PDE10A: variants seen among roughly 807,000 people sequenced by gnomAD.
The protein encoded by PDE10A is cAMP and cAMP-inhibited cGMP 3',5'-cyclic phosphodiesterase 10A.
In PDE10A, 39 loss-of-function variants were observed where a neutral mutation model predicts 97.7. That is an observed-to-expected ratio of 0.40 (90% CI 0.31 to 0.52). PDE10A has a LOEUF of 0.52. Among genes scored for constraint, PDE10A ranks in the 20% least tolerant of loss-of-function variants. The pLI is 0.56. For synonymous variants in PDE10A, 371 were observed against 376.8 expected (o/e 0.98, Z 0.18); for missense variants, 731 against 1,047.8 (o/e 0.70, Z 4.17).
chr6:165,779,337 T>C lies in PDE10A; in HGVS notation c.-615+208192A>G, dbSNP rs141763817. Among the ~76,000 whole-genome samples the C allele has an allele frequency of 1.4e-4, 21 of 152,356 alleles. No individual in the cohort carries two copies. The East Asian group carries it at 4.1e-3, about 29-fold the overall frequency. On this transcript the variant is annotated intron_variant, in intron 1 of 19. Coordinates refer to the PDE10A transcript ENST00000366882. ...TTTAAAATAATGGAAAATCATTGTG[T>C]AGTGAATGATCGTGTGTTCACACTT...
chr6:165,348,834 TA>T (rs1425153940), intron 18 of PDE10A, among the ~76,000 whole-genome samples: 1 of 152,176 alleles, frequency 6.6e-6, no homozygotes, highest in East Asian at 1.9e-4. Flanking sequence ...CTGATGGTTT[TA>T]TAAGGGGCTT....
intron 1 of PDE10A, among the ~76,000 whole-genome samples, chr6:165,607,350 T>C (rs1787260276): frequency 6.6e-6 from 1 of 152,246 alleles, no homozygotes; most frequent in African/African-American, 2.4e-5. Context: ...AAAATATTTA[T>C]TGACTGATGA....
chr6:165,354,265 A>G (rs570095763), intron 18 of PDE10A, among the ~76,000 whole-genome samples: 6 of 152,330 alleles, frequency 3.9e-5, no homozygotes, highest in Admixed American at 3.3e-4. Context: ...AGAGAAAAAA[A>G]TAATTTTGGA....
At chr6:165,569,397 G>A (rs986489364) in intron 1 of PDE10A, among the ~76,000 whole-genome samples, 11 of 152,286 alleles carry the variant, frequency 7.2e-5, no homozygotes, top group African/African-American at 2.6e-4. Flanking sequence ...TCTTTTGCAC[G>A]AGTGTTGTAA....
chr6:165,644,218 G>A (rs890044763), intron 1 of PDE10A, among the ~76,000 whole-genome samples: 9 of 140,746 alleles, frequency 6.4e-5, no homozygotes, highest in African/African-American at 1.5e-4. Context: ...ACCACGCCCC[G>A]CTAATTTTTT....
intron 13 of PDE10A, among the ~76,000 whole-genome samples, chr6:165,408,135 A>T (rs1787363210): frequency 6.6e-6 from 1 of 152,206 alleles, no homozygotes; most frequent in Admixed American, 6.5e-5. Context: ...ACATGCTTCT[A>T]TTACGGACAC....
chr6:165,856,494 G>A (rs558202262), intron 1 of PDE10A, among the ~76,000 whole-genome samples: 7 of 152,256 alleles, frequency 4.6e-5, no homozygotes, highest in South Asian at 4.1e-4. Context: ...TTTTGATGTC[G>A]TCCATGAAGG....
chr6:165,837,361 G>A (rs566652230), intron 1 of PDE10A, among the ~76,000 whole-genome samples: 1 of 152,260 alleles, frequency 6.6e-6, no homozygotes, highest in South Asian at 2.1e-4. Context: ...ATGTATGGCC[G>A]CAGAGTTAAA....
At chr6:165,706,140 G>T (rs1025766476) in intron 1 of PDE10A, among the ~76,000 whole-genome samples, 10 of 152,226 alleles carry the variant, frequency 6.6e-5, no homozygotes, top group African/African-American at 2.4e-4. Context: ...TTCCAGGAGT[G>T]CTTGGCTTTG....
intron 1 of PDE10A, among the ~76,000 whole-genome samples, chr6:165,558,483 T>C (rs760784041): frequency 2.0e-5 from 3 of 152,116 alleles, no homozygotes; most frequent in Non-Finnish European, 2.9e-5. Flanking sequence ...AGGGATAGCA[T>C]GATATTCATA....
chr6:165,737,807 A>G (rs1199211003), intron 1 of PDE10A, among the ~76,000 whole-genome samples: 1 of 152,226 alleles, frequency 6.6e-6, no homozygotes, highest in East Asian at 1.9e-4. Context: ...AGCCAGAGCA[A>G]TTAGGCAAGA....
At chr6:165,554,799 A>ATG (rs1376508486) in intron 1 of PDE10A, among the ~76,000 whole-genome samples, 2 of 152,190 alleles carry the variant, frequency 1.3e-5, no homozygotes, top group African/African-American at 4.8e-5. Flanking sequence ...GATAAAGAAA[A>ATG]TGTGGTATAT....
intron 19 of PDE10A, among the ~76,000 whole-genome samples, chr6:165,342,854 G>A (rs1782054523): frequency 6.6e-6 from 1 of 152,172 alleles, no homozygotes; most frequent in African/African-American, 2.4e-5. Flanking sequence ...TCAAGAAAAG[G>A]CGTTAATAAA....
chr6:165,954,905 G>A (rs898847138), intron 1 of PDE10A, among the ~76,000 whole-genome samples: 1 of 152,188 alleles, frequency 6.6e-6, no homozygotes, highest in East Asian at 1.9e-4. Flanking sequence ...ATTAGCTAAA[G>A]CAACAGGCTT....
At position 165,979,797 on chromosome 6, in the gene PDE10A, A is replaced by G. The variant is rs774618534; in HGVS notation, c.-615+7732T>C. On this transcript the variant is annotated intron_variant, in intron 1 of 19. Transcript: ENST00000366882. ...ATATATAAAATGTGCGAAAGTCACG[A>G]CACTCAGAGTTACCATTGTGGTTAT... is the stretch of plus-strand genomic sequence containing the variant. 1.1e-3 allele frequency among the ~76,000 whole-genome samples: 161 copies of G among 152,240 alleles called. 3 individuals carry two copies. The highest frequency in any genetic ancestry group is 4.1e-4 in the Non-Finnish European group (28 of 68,044).
At chr6:165,441,752 C>T (rs981518127) in intron 5 of PDE10A, among the ~76,000 whole-genome samples, 3 of 152,260 alleles carry the variant, frequency 2.0e-5, no homozygotes, top group Admixed American at 6.5e-5. Flanking sequence ...ACTGTCTCCC[C>T]GGGTTTAACA....
chr6:165,557,528 A>T (rs1211899266), intron 1 of PDE10A, among the ~76,000 whole-genome samples: 1 of 152,192 alleles, frequency 6.6e-6, no homozygotes, highest in African/African-American at 2.4e-5. Flanking sequence ...CTTTCCACTT[A>T]TCAAAATACG....
chr6:165,908,565 T>G (rs1782364326), intron 1 of PDE10A, among the ~76,000 whole-genome samples: 1 of 152,174 alleles, frequency 6.6e-6, no homozygotes, highest in South Asian at 2.1e-4. Context: ...ACGGGCTGCA[T>G]GCGATAACAC....
At chr6:165,638,078 T>C (rs1788963282) in intron 1 of PDE10A, among the ~76,000 whole-genome samples, 1 of 152,192 alleles carries the variant, frequency 6.6e-6, no homozygotes. Context: ...AGAAATTCTC[T>C]GTGCTGGGTG....
Sources: gnomAD v4.1 joint callset for allele counts (sites outside exome capture counted in the v4.1 genomes callset) on GRCh38, gnomAD v4.1.1 for gene constraint, MANE v1.5 for transcripts, NCBI Gene and HGNC (gene_info 2026-07-23, HGNC 2026-07-21) for gene names.